Variants in LYPD6B observed in about 807,000 individuals in gnomAD.
LYPD6B encodes LY6/PLAUR domain containing 6B.
In LYPD6B, 17 loss-of-function variants were observed where a neutral mutation model predicts 22.8. The observed-to-expected ratio is 0.75, with a 90% CI of 0.51 to 1.12. The LOEUF (loss-of-function observed/expected upper bound fraction) is 1.12, where lower values mean the gene tolerates loss of function less well. Among genes scored for constraint, LYPD6B ranks in the 50% most tolerant of loss-of-function variants. LYPD6B has a pLI of 0.00. For synonymous variants in LYPD6B, 106 were observed against 91.6 expected, an observed-to-expected ratio of 1.16 and a Z score of -0.90; for missense variants, 221 against 258.3, an observed-to-expected ratio of 0.86 and a Z score of 0.99.
At chr2:149,047,352 A>G (rs1021410191) in intron 1 of LYPD6B, among the ~76,000 whole-genome samples, 5 of 152,260 alleles carry the variant, frequency 3.3e-5, no homozygotes, top group African/African-American at 1.2e-4. Context: ...GATCTTAGCT[A>G]AAAGGCTGAG....
intron 2 of LYPD6B, among the ~76,000 whole-genome samples, chr2:149,151,309 C>T (rs989307863): frequency 2.0e-5 from 3 of 152,076 alleles, no homozygotes; most frequent in African/African-American, 7.2e-5. Flanking sequence ...AGGGAGAAGG[C>T]CTGTGTTTCT....
intron 3 of LYPD6B, among the ~76,000 whole-genome samples, chr2:149,196,040 G>A (rs547171565): frequency 2.2e-4 from 33 of 152,232 alleles, no homozygotes; most frequent in African/African-American, 6.5e-4. Flanking sequence ...GAACCGTATC[G>A]TGAACCATTT....
chr2:149,091,846 T>G (rs1288973550), intron 1 of LYPD6B, among the ~76,000 whole-genome samples: 1 of 152,140 alleles, frequency 6.6e-6, no homozygotes. Context: ...AAAGGATAAT[T>G]TTAAGATATG....
intron 3 of LYPD6B, among the ~76,000 whole-genome samples, chr2:149,185,734 C>A (rs1488698651): frequency 6.6e-6 from 1 of 152,214 alleles, no homozygotes; most frequent in Non-Finnish European, 1.5e-5. Context: ...TTAAGCAAGT[C>A]AATCAGTGCT....
intron 3 of LYPD6B, chr2:149,161,484 G>C (rs1205455826): frequency 6.6e-6 from 1 of 152,358 alleles, no homozygotes; most frequent in African/African-American, 2.4e-5. Flanking sequence ...CCAGGTTAGT[G>C]TGTCAGGCCT....
chr2:149,050,201 G>A (rs1683487281), intron 1 of LYPD6B, among the ~76,000 whole-genome samples: 2 of 151,844 alleles, frequency 1.3e-5, no homozygotes, highest in African/African-American at 4.8e-5. Context: ...CTGCCTTTTT[G>A]TGACTTCTGT....
In LYPD6B at chr2:149,130,905, G is replaced by A. The variant is rs370995179; in HGVS notation, c.-44G>A. 8 of 1,555,016 alleles carry A rather than the reference G, an allele frequency of 5.1e-6. No individual in the cohort carries two copies. Among genetic ancestry groups the A allele is most frequent in the Non-Finnish European group, 7.1e-6 (8 of 1,127,326 alleles). On this transcript the variant is annotated 5_prime_UTR_variant, in exon 2 of 7. Transcript: ENST00000409642. ...TAGATATGCCACACTTCTGCCTGCT[G>A]TTGGCAACCCTCCTGGACTAGGCTG...
intron 3 of LYPD6B, among the ~76,000 whole-genome samples, chr2:149,201,464 T>G (rs1261383065): frequency 6.6e-6 from 1 of 152,222 alleles, no homozygotes; most frequent in Non-Finnish European, 1.5e-5. Flanking sequence ...AGCAGATAAT[T>G]TTTAGTTCAG....
At chr2:149,140,450 T>C (rs1688625295) in intron 2 of LYPD6B, among the ~76,000 whole-genome samples, 1 of 152,004 alleles carries the variant, frequency 6.6e-6, no homozygotes, top group Admixed American at 6.6e-5. Flanking sequence ...CCAGAGAAGG[T>C]AAATGGGAGA....
intron 1 of LYPD6B, among the ~76,000 whole-genome samples, chr2:149,043,475 G>C (rs1483312656): frequency 2.0e-5 from 3 of 152,130 alleles, no homozygotes; most frequent in Non-Finnish European, 4.4e-5. Context: ...GTTTTGCAGA[G>C]GTAATTTTAA....
At chr2:149,165,657 T>G (rs1690370822) in intron 3 of LYPD6B, among the ~76,000 whole-genome samples, 1 of 152,196 alleles carries the variant, frequency 6.6e-6, no homozygotes, top group East Asian at 1.9e-4. Context: ...TATCCCTAAC[T>G]TATAGGTGAG....
chr2:149,139,371 T>G (rs1026965943), intron 2 of LYPD6B, among the ~76,000 whole-genome samples: 1 of 152,186 alleles, frequency 6.6e-6, no homozygotes, highest in South Asian at 2.1e-4. Flanking sequence ...AGCACACAGC[T>G]TGGCCTGTGC....
chr2:149,200,383 A>G (rs1439253653), intron 3 of LYPD6B, among the ~76,000 whole-genome samples: 1 of 152,138 alleles, frequency 6.6e-6, no homozygotes, highest in Non-Finnish European at 1.5e-5. Context: ...ACACCCTGCC[A>G]ATTCTTTACT....
In LYPD6B at chr2:149,064,855, G is replaced by T. The variant is rs115330518; in HGVS notation, c.-67+26054G>T. Reference sequence around the variant, plus strand: ...TGGAACGTGGAGGCCTCTCAGCCAGGTACCTTCTTCCTTAGGGTGTAAGGA... The same window carrying T: ...TGGAACGTGGAGGCCTCTCAGCCAGTTACCTTCTTCCTTAGGGTGTAAGGA... On this transcript the variant is annotated intron_variant, in intron 1 of 6. Coordinates refer to ENST00000409642, the MANE Select transcript of LYPD6B (RefSeq NM_177964.5). Among the ~76,000 whole-genome samples the T allele has an allele frequency of 2.3e-3, 347 of 152,306 alleles. 2 individuals carry two copies. The highest frequency in any genetic ancestry group is 8.0e-3 in the African/African-American group (332 of 41,572).
At chr2:149,174,893 T>C (rs1691153650) in intron 3 of LYPD6B, among the ~76,000 whole-genome samples, 1 of 152,096 alleles carries the variant, frequency 6.6e-6, no homozygotes, top group Non-Finnish European at 1.5e-5. Context: ...CACGTTTACC[T>C]GTGTAACAAA....
At chr2:149,101,329 CT>C (rs1416735225) in intron 1 of LYPD6B, 1 of 152,248 alleles carries the variant, frequency 6.6e-6, no homozygotes, top group African/African-American at 2.4e-5. Flanking sequence ...GTAGAATCCC[CT>C]TCTGCATCCC....
intron 1 of LYPD6B, 124 bp from the exon 2 acceptor site, chr2:149,130,759 T>C: frequency 1.9e-6 from 1 of 516,380 alleles, no homozygotes; most frequent in Non-Finnish European, 3.4e-6. Flanking sequence ...GGAAAGGTTA[T>C]TGAGCCTAAG....
chr2:149,094,109 G>T (rs1187827936), intron 1 of LYPD6B, among the ~76,000 whole-genome samples: 1 of 152,276 alleles, frequency 6.6e-6, no homozygotes, highest in Non-Finnish European at 1.5e-5. Flanking sequence ...CAGCAAAGAA[G>T]AAAATAATTA....
intron 1 of LYPD6B, among the ~76,000 whole-genome samples, chr2:149,092,856 T>C (rs1411434545): frequency 2.0e-5 from 3 of 152,162 alleles, no homozygotes; most frequent in African/African-American, 7.2e-5. Flanking sequence ...TCAAGGTATT[T>C]TTTATTTTTA....
Sources: gnomAD v4.1 joint callset for allele counts (sites outside exome capture counted in the v4.1 genomes callset) on GRCh38, gnomAD v4.1.1 for gene constraint, MANE v1.5 for transcripts, NCBI Gene and HGNC (gene_info 2026-07-23, HGNC 2026-07-21) for gene names.